Variants in HDAC9 observed in about 807,000 individuals in gnomAD.
HDAC9 encodes the protein histone deacetylase 9.
In HDAC9, 41 loss-of-function variants were observed where a neutral mutation model predicts 139.4. The ratio of observed to expected loss-of-function variants is 0.29; its 90% CI spans 0.23 to 0.38. The LOEUF (loss-of-function observed/expected upper bound fraction) is 0.38. HDAC9 is among the 10% of genes least tolerant of loss of function. The pLI, the probability that HDAC9 is intolerant of heterozygous loss-of-function variation, is 1.00. For synonymous variants in HDAC9, 517 were observed against 476.2 expected, an observed-to-expected ratio of 1.09 and a Z score of -1.12; for missense variants, 1,147 against 1,297.0, an observed-to-expected ratio of 0.88 and a Z score of 1.78.
intron 1 of HDAC9, among the ~76,000 whole-genome samples, chr7:18,350,687 A>G (rs529841758): frequency 6.6e-6 from 1 of 152,286 alleles, no homozygotes; most frequent in East Asian, 1.9e-4. Flanking sequence ...GGAAAAATCC[A>G]CTTTTCCCAG....
intron 2 of HDAC9, among the ~76,000 whole-genome samples, chr7:18,209,100 A>T (rs1791752754): frequency 6.6e-6 from 1 of 152,132 alleles, no homozygotes. Flanking sequence ...TTTGGTCTGT[A>T]ATCTCCATAA....
intron 1 of HDAC9, among the ~76,000 whole-genome samples, chr7:18,139,897 G>C (rs111989021): frequency 0.042 from 6,454 of 152,236 alleles, 188 homozygotes; most frequent in Non-Finnish European, 0.065. Flanking sequence ...TAGAGCCTCT[G>C]GGGGAGAACA....
At chr7:18,324,540 G>A (rs1382414920) in intron 1 of HDAC9, among the ~76,000 whole-genome samples, 2 of 152,098 alleles carry the variant, frequency 1.3e-5, no homozygotes, top group African/African-American at 2.4e-5. Flanking sequence ...GCTTTTAAAT[G>A]GCTTACGGTT....
At chr7:18,859,587 A>G (rs1797936911) in intron 21 of HDAC9, among the ~76,000 whole-genome samples, 1 of 151,686 alleles carries the variant, frequency 6.6e-6, no homozygotes, top group South Asian at 2.1e-4. Context: ...CCTTCCTCAG[A>G]AAGGCCACAT....
intron 2 of HDAC9, among the ~76,000 whole-genome samples, chr7:18,189,991 G>C (rs1402456752): frequency 6.6e-6 from 1 of 151,974 alleles, no homozygotes; most frequent in Non-Finnish European, 1.5e-5. Context: ...CCAGGCTGGA[G>C]TACAGTGGCA....
At chr7:18,855,232 C>T (rs13239638) in intron 21 of HDAC9, among the ~76,000 whole-genome samples, 1 of 151,898 alleles carries the variant, frequency 6.6e-6, no homozygotes, top group East Asian at 1.9e-4. Context: ...AAATTACGTG[C>T]AGCAGACATT....
chr7:18,199,965 G>A (rs920956739), intron 2 of HDAC9, among the ~76,000 whole-genome samples: 5 of 151,820 alleles, frequency 3.3e-5, no homozygotes, highest in Admixed American at 1.3e-4. Flanking sequence ...AAAATAATAA[G>A]ATGTATGTAT....
intron 2 of HDAC9, among the ~76,000 whole-genome samples, chr7:18,182,779 A>G (rs968159045): frequency 6.6e-6 from 1 of 152,204 alleles, no homozygotes; most frequent in Non-Finnish European, 1.5e-5. Context: ...GCTAGTTGTC[A>G]GGAGATTGGC....
chr7:18,940,793 G>A (rs1371881339), intron 23 of HDAC9, among the ~76,000 whole-genome samples: 5 of 152,204 alleles, frequency 3.3e-5, no homozygotes, highest in Admixed American at 2.6e-4. Flanking sequence ...TACTTCCTCT[G>A]AAAGAAATTT....
At chr7:18,912,142 A>G (rs900286407) in intron 22 of HDAC9, among the ~76,000 whole-genome samples, 3 of 151,958 alleles carry the variant, frequency 2.0e-5, no homozygotes, top group African/African-American at 7.2e-5. Context: ...ATAGAATAAT[A>G]TTTGCTTTAC....
intron 2 of HDAC9, among the ~76,000 whole-genome samples, chr7:18,556,771 G>A (rs1339943511): frequency 6.6e-6 from 1 of 151,942 alleles, no homozygotes; most frequent in Non-Finnish European, 1.5e-5. Flanking sequence ...TAAATTGTTG[G>A]TAATGCTGCA....
Position 18,825,789 on chromosome 7 carries a change from C to CATACACATAT in HDAC9, c.2323-3360_2323-3351dup, listed in dbSNP as rs1173031437. Among the ~76,000 whole-genome samples the CATACACATAT allele has an allele frequency of 5.4e-5, 8 of 148,036 alleles. No individual in the cohort carries two copies. In the South Asian group the frequency reaches 1.7e-3, roughly 31 times the overall value. On this transcript the variant is annotated intron_variant, in intron 17 of 25. Transcript: ENST00000686413. ...ATTATATAGATATATAAAACCTTCA[C>CATACACATAT]ATACACATATATACACATATAAACA...
intron 8 of HDAC9, among the ~76,000 whole-genome samples, chr7:18,640,875 C>T (rs1785381154): frequency 6.6e-6 from 1 of 151,992 alleles, no homozygotes; most frequent in Non-Finnish European, 1.5e-5. Context: ...CAATATATAC[C>T]ATGGCCCATC....
chr7:18,358,090 G>A (rs559410437), intron 1 of HDAC9, among the ~76,000 whole-genome samples: 2 of 152,308 alleles, frequency 1.3e-5, no homozygotes, highest in East Asian at 3.9e-4. Flanking sequence ...TCGGGAGGCT[G>A]ACGCAGGAGC....
At chr7:18,771,461 GAAA>G (rs1790285053) in intron 16 of HDAC9, among the ~76,000 whole-genome samples, 1 of 151,970 alleles carries the variant, frequency 6.6e-6, no homozygotes, top group African/African-American at 2.4e-5. Flanking sequence ...AGATTTGGAT[GAAA>G]TGTCTTAAAT....
intron 16 of HDAC9, among the ~76,000 whole-genome samples, chr7:18,789,173 G>T (rs7783171): frequency 0.6 from 91,288 of 151,848 alleles, 30,658 homozygotes; most frequent in Non-Finnish European, 0.76. Flanking sequence ...TATGTATATT[G>T]AAGCAAAATC....
chr7:18,952,812 G>A (rs1034662094), intron 23 of HDAC9, among the ~76,000 whole-genome samples: 1 of 134,920 alleles, frequency 7.4e-6, no homozygotes, highest in Admixed American at 7.6e-5. Context: ...AGCGGTGGTG[G>A]TGATGTTTTT....
chr7:18,787,179 T>C (rs984211091), intron 16 of HDAC9, among the ~76,000 whole-genome samples: 1 of 152,062 alleles, frequency 6.6e-6, no homozygotes, highest in African/African-American at 2.4e-5. Flanking sequence ...CAATGAGAGA[T>C]TCTGTACTAC....
intron 1 of HDAC9, among the ~76,000 whole-genome samples, chr7:18,356,362 T>TTTTTTTG (rs1308674262): frequency 3.9e-5 from 5 of 128,410 alleles, no homozygotes; most frequent in African/African-American, 1.4e-4. Flanking sequence ...ACATAGGTTT[T>TTTTTTTG]TTTTTTTTTT....
Sources: gnomAD v4.1 joint callset for allele counts (sites outside exome capture counted in the v4.1 genomes callset) on GRCh38, gnomAD v4.1.1 for gene constraint, MANE v1.5 for transcripts, NCBI Gene and HGNC (gene_info 2026-07-23, HGNC 2026-07-21) for gene names.